Variants in JCAD observed in about 807,000 individuals in gnomAD.
JCAD encodes the protein junctional cadherin 5-associated protein.
JCAD carries 40 observed loss-of-function variants against 98.0 expected under a neutral mutation model. The observed-to-expected ratio is 0.41, with a 90% CI of 0.32 to 0.53. The LOEUF (loss-of-function observed/expected upper bound fraction) is 0.53. JCAD is among the 20% of genes least tolerant of loss of function. JCAD has a pLI of 0.31. For synonymous variants in JCAD, 691 were observed against 682.3 expected (o/e 1.01, Z -0.20); for missense variants, 1,705 against 1,738.1 (o/e 0.98, Z 0.34).
intron 2 of JCAD, among the ~76,000 whole-genome samples, chr10:30,042,656 A>G (rs1837265134): frequency 6.9e-6 from 1 of 144,536 alleles, no homozygotes; most frequent in South Asian, 2.1e-4. Flanking sequence ...GAGATGAATG[A>G]GTCCCCAGGG....
chr10:30,062,234 G>A (rs1194847743), upstream of JCAD, among the ~76,000 whole-genome samples: 1 of 152,226 alleles, frequency 6.6e-6, no homozygotes, highest in Non-Finnish European at 1.5e-5. Flanking sequence ...AAATACTGGA[G>A]ATTCTAGAGA....
At chr10:30,101,437 C>A (rs886239335) in intron 1 of JCAD, among the ~76,000 whole-genome samples, 1 of 152,154 alleles carries the variant, frequency 6.6e-6, no homozygotes, top group Non-Finnish European at 1.5e-5. Context: ...ATTAGTAATT[C>A]CAAAAGGGAG....
chr10:30,044,677 CTTTT>C, intron 2 of JCAD: 1 of 186,900 alleles, frequency 5.4e-6, no homozygotes, highest in Non-Finnish European at 9.2e-6. Flanking sequence ...GCAGTATTGG[CTTTT>C]TTTTTTTTTT....
At chr10:30,053,347 G>T (rs1357095315) in intron 1 of JCAD, among the ~76,000 whole-genome samples, 1 of 152,046 alleles carries the variant, frequency 6.6e-6, no homozygotes, top group Non-Finnish European at 1.5e-5. Context: ...TATCACTTGA[G>T]GTCAGGAGTT....
At chr10:30,098,514 A>T (rs997233520) in intron 1 of JCAD, among the ~76,000 whole-genome samples, 7 of 152,190 alleles carry the variant, frequency 4.6e-5, no homozygotes, top group African/African-American at 1.7e-4. Context: ...GAACTGATTT[A>T]TTCATCTGTA....
intron 3 of JCAD, among the ~76,000 whole-genome samples, chr10:30,020,606 A>G (rs1836643146): frequency 6.6e-6 from 1 of 152,218 alleles, no homozygotes; most frequent in Non-Finnish European, 1.5e-5. Context: ...AGTTTGCTCA[A>G]ACGTCATCAG....
chr10:30,053,711 C>T (rs980037446), intron 1 of JCAD, among the ~76,000 whole-genome samples: 1 of 151,628 alleles, frequency 6.6e-6, no homozygotes, highest in Non-Finnish European at 1.5e-5. Flanking sequence ...GGATAGTTAT[C>T]CCAGTTTTAA....
chr10:30,031,903 C>T lies in JCAD; in HGVS notation c.282-2037G>A, dbSNP rs1025120802. 2.0e-3 allele frequency among the ~76,000 whole-genome samples: 303 copies of T among 151,314 alleles called. 1 individual carries two copies. Among genetic ancestry groups the T allele is most frequent in the African/African-American group, 7.0e-3 (288 of 41,184 alleles). Reference sequence around the variant, plus strand: ...CCAAGTAGCTGGGACTACAGGCGCCCGCCACTACGCCCGGCTAATTTTTTG... The same window carrying T: ...CCAAGTAGCTGGGACTACAGGCGCCTGCCACTACGCCCGGCTAATTTTTTG... On this transcript the variant is annotated intron_variant, in intron 2 of 3. Coordinates refer to ENST00000375377, the MANE Select transcript of JCAD (RefSeq NM_020848.4).
At chr10:30,035,578 G>T (rs983301876) in intron 2 of JCAD, among the ~76,000 whole-genome samples, 1 of 152,200 alleles carries the variant, frequency 6.6e-6, no homozygotes, top group African/African-American at 2.4e-5. Context: ...GCTATAGGAC[G>T]CCCATTACCA....
At chr10:30,108,470 G>A (rs1420954833) in intron 1 of JCAD, among the ~76,000 whole-genome samples, 1 of 152,098 alleles carries the variant, frequency 6.6e-6, no homozygotes, top group Admixed American at 6.5e-5. Context: ...CTTTGCAATG[G>A]GGCGACGAGA....
chr10:30,032,699 A>G (rs1259252076), intron 2 of JCAD, among the ~76,000 whole-genome samples: 3 of 152,236 alleles, frequency 2.0e-5, no homozygotes, highest in Non-Finnish European at 4.4e-5. Flanking sequence ...ACTTTGATAC[A>G]TATCTTCTCA....
At chr10:30,068,906 A>G (rs1439460720) in intron 2 of JCAD, among the ~76,000 whole-genome samples, 2 of 152,224 alleles carry the variant, frequency 1.3e-5, no homozygotes, top group Non-Finnish European at 2.9e-5. Context: ...AAATCCCAGT[A>G]ATGGCTGTGG....
chr10:30,114,717 G>A (rs1009516498), intron 1 of JCAD, among the ~76,000 whole-genome samples: 1 of 151,896 alleles, frequency 6.6e-6, no homozygotes, highest in African/African-American at 2.4e-5. Context: ...CACATTTTGC[G>A]CTAGATTTAA....
intron 2 of JCAD, among the ~76,000 whole-genome samples, chr10:30,068,935 T>C (rs555179071): frequency 8.5e-5 from 13 of 152,382 alleles, no homozygotes; most frequent in Admixed American, 6.5e-4. Context: ...TTCTCACTCC[T>C]TTCTGCCTCC....
In JCAD at chr10:30,028,525, A is replaced by G. The variant is rs1836895977; in HGVS notation, c.1623T>C (p.Val541=). ...GSQHGHTGRQ[V]SSPYSQGEST... Reference sequence around the variant, plus strand: ...TCTCGCCCTGTGAGTAAGGGGAGGAAACTTGTCTTCCAGTGTGCCCGTGCT... The same window carrying G: ...TCTCGCCCTGTGAGTAAGGGGAGGAGACTTGTCTTCCAGTGTGCCCGTGCT... The change falls in exon 3 of 4, where the codon GTT becomes GTC. Residue 541 remains valine, a synonymous_variant. Transcript: ENST00000375377. 1 of 1,614,130 alleles carries G rather than the reference A, an allele frequency of 6.2e-7. No individual in the cohort carries two copies. Among genetic ancestry groups the G allele is most frequent in the Non-Finnish European group, 8.5e-7 (1 of 1,180,018 alleles).
chr10:30,039,446 G>A (rs1186281755), intron 2 of JCAD, among the ~76,000 whole-genome samples: 6 of 152,206 alleles, frequency 3.9e-5, no homozygotes, highest in African/African-American at 1.2e-4. Context: ...GTACTGCAGG[G>A]ACAGAATCCT....
Position 30,026,956 on chromosome 10 carries a change from T to C in JCAD, c.3192A>G (p.Leu1064=). ...TGCTTGCTTCACCCAAAGACCCCTC[T>C]AGCTCACTGGCACCCTGTTCTTGCC... ...TPGQEQGASE[L]EGSLGEASTI... is the part of the protein sequence containing the mutation. Residue 1064 remains leucine (L), a synonymous_variant, in exon 3 of 4, where the codon CTA becomes CTG. Transcript: ENST00000375377. 2 of 1,614,196 alleles carry C rather than the reference T, an allele frequency of 1.2e-6. No homozygotes were observed. Among genetic ancestry groups the C allele is most frequent in the South Asian group, 1.1e-5 (1 of 91,082 alleles).
intron 2 of JCAD, among the ~76,000 whole-genome samples, chr10:30,068,390 CAAAAA>C (rs34060997): frequency 1.7e-4 from 8 of 48,194 alleles, no homozygotes; most frequent in African/African-American, 2.4e-4. Flanking sequence ...AACTCTGTCT[CAAAAA>C]AAAAAAAAAA....
At chr10:30,091,713 A>AT (rs1703469560) in intron 1 of JCAD, among the ~76,000 whole-genome samples, 1 of 124,612 alleles carries the variant, frequency 8.0e-6, no homozygotes, top group Admixed American at 1.0e-4. Context: ...TAAGTTTTTA[A>AT]ATTTTTTTTT....
Sources: gnomAD v4.1 joint callset for allele counts (sites outside exome capture counted in the v4.1 genomes callset) on GRCh38, gnomAD v4.1.1 for gene constraint, MANE v1.5 for transcripts, NCBI Gene and HGNC (gene_info 2026-07-23, HGNC 2026-07-21) for gene names.